The following MAST4 variants were observed in gnomAD, a reference collection of about 807,000 sequenced individuals.
The protein encoded by MAST4 is microtubule associated serine/threonine kinase family member 4.
A neutral mutation model predicts 162.7 loss-of-function variants in MAST4; 89 were observed. That is an observed-to-expected ratio of 0.55 (90% CI 0.46 to 0.65). The LOEUF (loss-of-function observed/expected upper bound fraction) is 0.65, where lower values mean the gene tolerates loss of function less well. Among genes scored for constraint, MAST4 ranks in the 30% least tolerant of loss-of-function variants. MAST4 has a pLI of 0.00. For missense variants in MAST4, 3,153 were observed against 3,374.0 expected (o/e 0.93, Z 1.62); for synonymous variants, 1,479 against 1,361.1 (o/e 1.09, Z -1.91).
chr5:67,143,125 TAA>T (rs1770615271), intron 21 of MAST4: 1 of 152,180 alleles, frequency 6.6e-6, no homozygotes, highest in Non-Finnish European at 1.5e-5. Flanking sequence ...TGTAGGATTG[TAA>T]AGTCTCATAA....
chr5:67,147,571 C>T (rs540786076), intron 23 of MAST4, among the ~76,000 whole-genome samples: 1 of 152,268 alleles, frequency 6.6e-6, no homozygotes, highest in South Asian at 2.1e-4. Flanking sequence ...GTCTTGAAGT[C>T]TTAGATGTAG....
chr5:66,695,255 C>A (rs1302602623), intron 1 of MAST4, among the ~76,000 whole-genome samples: 3 of 152,146 alleles, frequency 2.0e-5, no homozygotes, highest in Admixed American at 6.5e-5. Context: ...TTTCCCAGCA[C>A]CATTTTTAAA....
At chr5:66,807,539 A>G (rs1385034678) in intron 3 of MAST4, among the ~76,000 whole-genome samples, 1 of 151,742 alleles carries the variant, frequency 6.6e-6, no homozygotes, top group Non-Finnish European at 1.5e-5. Flanking sequence ...ATTATTACGG[A>G]CTGTAGTCAC....
At chr5:67,144,604 TG>T in intron 21 of MAST4, 64 bp from the exon 22 acceptor site, 1 of 1,535,438 alleles carries the variant, frequency 6.5e-7, no homozygotes, top group South Asian at 1.2e-5. Context: ...TCCCAAGACT[TG>T]GAGTGTTTTT....
At chr5:67,081,297 G>C (rs1485699907) in intron 5 of MAST4, among the ~76,000 whole-genome samples, 1 of 150,820 alleles carries the variant, frequency 6.6e-6, no homozygotes, top group East Asian at 1.9e-4. Flanking sequence ...GGATACCTGT[G>C]GGCATTTGGG....
At chr5:67,093,567 C>A in intron 6 of MAST4, 1 of 414,052 alleles carries the variant, frequency 2.4e-6, no homozygotes, top group East Asian at 7.2e-5. Flanking sequence ...ATTTCTGGTC[C>A]CTGGCTGTAC....
intron 12 of MAST4, among the ~76,000 whole-genome samples, chr5:67,117,816 A>G (rs914332133): frequency 1.3e-5 from 2 of 152,212 alleles, no homozygotes; most frequent in Non-Finnish European, 1.5e-5. Context: ...ATCTACTTCT[A>G]TAAATTCAAG....
chr5:66,597,189 G>T (rs1469146302), intron 1 of MAST4, among the ~76,000 whole-genome samples, 171 bp downstream of exon 1: 2 of 152,234 alleles, frequency 1.3e-5, no homozygotes, highest in Admixed American at 6.5e-5. Context: ...CCCCCTGTGG[G>T]TTATTGACTT....
At chr5:66,649,719 T>C (rs1444716567) in intron 1 of MAST4, among the ~76,000 whole-genome samples, 1 of 152,162 alleles carries the variant, frequency 6.6e-6, no homozygotes, top group East Asian at 1.9e-4. Flanking sequence ...TGGACCATTC[T>C]GGCCTCTGTA....
intron 1 of MAST4, among the ~76,000 whole-genome samples, chr5:66,667,059 TTTGGGC>T (rs1387770623): frequency 1.3e-5 from 2 of 152,188 alleles, no homozygotes; most frequent in Non-Finnish European, 2.9e-5. Flanking sequence ...AACATCATGC[TTTGGGC>T]TAAGGGGAAG....
chr5:66,878,700 A>C lies in MAST4; in HGVS notation c.643-21251A>C, dbSNP rs555665260. ...CTCAAGTAATCGTGATGTTCTTTTT[A>C]CCTAAATGTCAGAGAACTCTTTTGG... On this transcript the variant is annotated intron_variant, in intron 3 of 28. Transcript: ENST00000403625. 1.5e-3 allele frequency among the ~76,000 whole-genome samples: 232 copies of C among 152,250 alleles called. 1 individual carries two copies. The highest frequency in any genetic ancestry group is 5.3e-3 in the African/African-American group (222 of 41,552).
At chr5:66,928,857 T>C (rs1472876620) in intron 4 of MAST4, among the ~76,000 whole-genome samples, 2 of 152,166 alleles carry the variant, frequency 1.3e-5, no homozygotes, top group Non-Finnish European at 2.9e-5. Context: ...CGCTCAGTAG[T>C]GGTGTCTCCT....
chr5:66,919,967 TCCTTCCTTCTTTCTC>T (rs1561446304), intron 4 of MAST4, among the ~76,000 whole-genome samples: 3 of 109,902 alleles, frequency 2.7e-5, no homozygotes, highest in African/African-American at 8.6e-5. Flanking sequence ...CTTCCTTCCT[TCCTTCCTTCTTTCTC>T]TCTCTCTCTC....
At chr5:66,914,374 A>C (rs756159326) in intron 4 of MAST4, among the ~76,000 whole-genome samples, 2 of 152,242 alleles carry the variant, frequency 1.3e-5, no homozygotes, top group Admixed American at 1.3e-4. Context: ...ATGAGTGATC[A>C]TAAATGAGCA....
At chr5:67,133,445 G>A in intron 16 of MAST4, 69 bp from the exon 17 acceptor site, 2 of 1,533,592 alleles carry the variant, frequency 1.3e-6, no homozygotes, top group Non-Finnish European at 1.8e-6. Flanking sequence ...GAGGGGGGAA[G>A]GGAGGAAATG....
chr5:66,668,106 A>G (rs1747375273), intron 1 of MAST4, among the ~76,000 whole-genome samples: 1 of 152,208 alleles, frequency 6.6e-6, no homozygotes, highest in Non-Finnish European at 1.5e-5. Context: ...AAGCTGTGCT[A>G]ATTTGGAACA....
At chr5:66,901,343 C>T (rs461101) in intron 4 of MAST4, among the ~76,000 whole-genome samples, 81,492 of 151,682 alleles carry the variant, frequency 0.54, 22,296 homozygotes, top group Middle Eastern at 0.61. Context: ...GTGTTTCCAA[C>T]AATATTATAA....
rs1014605814 is a variant in MAST4 at position 66,612,990 on chromosome 5, C to T, written c.363+15972C>T. 3.3e-5 allele frequency among the ~76,000 whole-genome samples: 5 copies of T among 152,234 alleles called. No homozygotes were observed. The East Asian group carries it at 9.6e-4, about 29-fold the overall frequency. On this transcript the variant is annotated intron_variant, in intron 1 of 28. Transcript: ENST00000403625. ...GAAGATTACAATGTTTTCTCTATTA[C>T]CAGCTTATTTATGGCTTTGTATCTT... is the stretch of plus-strand genomic sequence containing the variant.
chr5:66,948,531 C>G (rs1255826693), intron 4 of MAST4, among the ~76,000 whole-genome samples: 1 of 152,100 alleles, frequency 6.6e-6, no homozygotes, highest in Non-Finnish European at 1.5e-5. Context: ...CTCAGCCTGT[C>G]CTTTTCAGGG....
Sources: allele counts gnomAD v4.1 joint callset (sites outside exome capture counted in the v4.1 genomes callset), GRCh38; gene constraint gnomAD v4.1.1; transcripts MANE v1.5; gene names NCBI Gene and HGNC (gene_info 2026-07-23, HGNC 2026-07-21).